CFH: variants seen among roughly 807,000 people sequenced by gnomAD.
The protein encoded by CFH is complement factor H.
A neutral mutation model predicts 147.3 loss-of-function variants in CFH; 53 were observed. The ratio of observed to expected loss-of-function variants is 0.36; its 90% CI spans 0.29 to 0.45. CFH has a LOEUF of 0.45. CFH is among the 20% of genes least tolerant of loss of function. The pLI, the probability that CFH is intolerant of heterozygous loss-of-function variation, is 1.00. For synonymous variants in CFH, 536 were observed against 489.4 expected (o/e 1.10, Z -1.26); for missense variants, 1,380 against 1,498.0 (o/e 0.92, Z 1.30).
chr1:196,701,669 A>T (rs1048324664), intron 9 of CFH: 2 of 306,872 alleles, frequency 6.5e-6, no homozygotes, highest in Admixed American at 4.4e-5. Context: ...ACTCTCTTTG[A>T]GGGCATTTAC....
intron 9 of CFH, chr1:196,700,967 G>GCCACAAGACC: frequency 1.7e-6 from 1 of 592,390 alleles, no homozygotes; most frequent in Non-Finnish European, 2.1e-6. Context: ...CGTCTTAGAG[G>GCCACAAGACC]TCTTGTGGCC....
chr1:196,741,043 G>A (rs866058999), intron 18 of CFH: 1 of 479,584 alleles, frequency 2.1e-6, no homozygotes, highest in Non-Finnish European at 3.8e-6. Context: ...TCTCATCTCT[G>A]TTCTTAGGGC....
intron 11 of CFH, among the ~76,000 whole-genome samples, chr1:196,717,317 A>C (rs1668894336): frequency 6.6e-6 from 1 of 152,150 alleles, no homozygotes; most frequent in Admixed American, 6.6e-5. Context: ...AATATTTCAA[A>C]GGATTGTGTT....
At chr1:196,689,940 A>G in intron 8 of CFH, 123 bp from the exon 9 acceptor site, 1 of 1,143,332 alleles carries the variant, frequency 8.7e-7, no homozygotes, top group Non-Finnish European at 1.2e-6. Context: ...CTTCAGTTAT[A>G]CATTATTTTT....
chr1:196,673,835 A>G (rs1164568101), intron 2 of CFH, 22 bp from the exon 3 acceptor site: 1 of 1,468,810 alleles, frequency 6.8e-7, no homozygotes, highest in Non-Finnish European at 9.5e-7. Context: ...ATACTAATTC[A>G]TAACTTTTTT....
chr1:196,653,452 T>C (rs1012116931), intron 1 of CFH, among the ~76,000 whole-genome samples: 1 of 152,058 alleles, frequency 6.6e-6, no homozygotes, highest in Admixed American at 6.5e-5. Flanking sequence ...TTTGTGTAAA[T>C]ATTTCTGTCT....
At chr1:196,714,058 T>C in intron 10 of CFH, 141 bp downstream of exon 10, 3 of 725,072 alleles carry the variant, frequency 4.1e-6, no homozygotes, top group Middle Eastern at 7.0e-4. Context: ...AGACATCAAT[T>C]TTTTTTCCTT....
chr1:196,703,813 T>A (rs982621178), intron 9 of CFH, among the ~76,000 whole-genome samples: 5 of 151,478 alleles, frequency 3.3e-5, no homozygotes, highest in Non-Finnish European at 5.9e-5. Flanking sequence ...TGAAACCCCG[T>A]CTCTGCTAAA....
In CFH at chr1:196,742,031, C is replaced by G. The variant is rs377051240; in HGVS notation, c.3113C>G (p.Thr1038Arg). ...SNVTCINSRW[T>R]GRPTCRDTSC... ...GTAACATGCATTAATAGCAGATGGACAGGAAGGCCAACATGCAGAGGTACT... is the reference window on the plus strand; with the variant it reads ...GTAACATGCATTAATAGCAGATGGAGAGGAAGGCCAACATGCAGAGGTACT... The change falls in exon 19 of 22, where the codon ACA (threonine) becomes AGA (arginine). Residue 1038 changes from threonine to arginine, a missense_variant. Thr to Arg is a moderately conservative substitution (Grantham distance 71, BLOSUM62 -1). Transcript: ENST00000367429. 27 of 1,613,946 alleles carry G rather than the reference C, an allele frequency of 1.7e-5. No individual in the cohort carries two copies. The highest frequency in any genetic ancestry group is 2.3e-5 in the Non-Finnish European group (27 of 1,179,994).
intron 7 of CFH, 83 bp from the exon 8 acceptor site, chr1:196,689,337 T>A (rs937956361): frequency 8.0e-6 from 10 of 1,246,714 alleles, no homozygotes; most frequent in Non-Finnish European, 1.1e-5. Flanking sequence ...GAGAATATAA[T>A]TCAGTGATAA....
chr1:196,733,799 A>C (rs1395289901), intron 15 of CFH, among the ~76,000 whole-genome samples: 3 of 152,058 alleles, frequency 2.0e-5, no homozygotes, highest in African/African-American at 7.2e-5. Flanking sequence ...AGCCACGGGA[A>C]CCGGCTAGAG....
At chr1:196,740,223 G>C (rs1485385514) in intron 17 of CFH, among the ~76,000 whole-genome samples, 1 of 152,188 alleles carries the variant, frequency 6.6e-6, no homozygotes, top group Non-Finnish European at 1.5e-5. Context: ...TGTCATGTTT[G>C]CTTTGCCACT....
chr1:196,740,475 T>C (rs1238974802), intron 17 of CFH, 144 bp from the exon 18 acceptor site: 1 of 809,838 alleles, frequency 1.2e-6, no homozygotes, highest in Non-Finnish European at 1.9e-6. Flanking sequence ...AGGCTAGTTT[T>C]AGGAAACATT....
chr1:196,714,682 G>GAA (rs1668820748), intron 10 of CFH, among the ~76,000 whole-genome samples: 4 of 67,344 alleles, frequency 5.9e-5, no homozygotes, highest in Admixed American at 3.7e-4. Context: ...GAGAGAGAGA[G>GAA]AGAGAGAGAG....
chr1:196,708,105 T>C (rs1668636931), intron 9 of CFH, among the ~76,000 whole-genome samples: 2 of 152,200 alleles, frequency 1.3e-5, no homozygotes, highest in African/African-American at 4.8e-5. Flanking sequence ...GTCACTCTTG[T>C]TTTAAAACTT....
chr1:196,660,631 A>C (rs796744966), intron 1 of CFH, among the ~76,000 whole-genome samples: 44 of 152,330 alleles, frequency 2.9e-4, no homozygotes, highest in African/African-American at 1.0e-3. Flanking sequence ...TTTTTCTTAC[A>C]AGCAGAATCA....
At position 196,737,022 on chromosome 1, in the gene CFH, T is replaced by A; in HGVS notation, c.2596+16T>A. ...CTCTGTGTTGGTCAGTAGTGTATAA[T>A]TTGTTTTACATAATTCTTTCAAATG... On this transcript the variant is annotated intron_variant, in intron 16 of 21. Coordinates refer to ENST00000367429, the MANE Select transcript of CFH (RefSeq NM_000186.4). 6.3e-7 allele frequency: 1 copy of A among 1,599,098 alleles called. No individual in the cohort carries two copies. Among genetic ancestry groups the A allele is most frequent in the African/African-American group, 1.3e-5 (1 of 74,642 alleles).
chr1:196,662,420 T>G (rs1449606255), intron 1 of CFH, among the ~76,000 whole-genome samples: 1 of 152,228 alleles, frequency 6.6e-6, no homozygotes, highest in Non-Finnish European at 1.5e-5. Flanking sequence ...AATATTTTTA[T>G]TATTTTATAG....
intron 1 of CFH, among the ~76,000 whole-genome samples, chr1:196,661,847 C>T (rs984930995): frequency 3.3e-5 from 5 of 152,066 alleles, no homozygotes; most frequent in African/African-American, 1.2e-4. Context: ...ATTGACATAC[C>T]AATCTCCTAT....
Sources: allele counts gnomAD v4.1 joint callset (sites outside exome capture counted in the v4.1 genomes callset), GRCh38; gene constraint gnomAD v4.1.1; transcripts MANE v1.5; gene names NCBI Gene and HGNC (gene_info 2026-07-23, HGNC 2026-07-21).